The following KDM3A variants were observed in gnomAD, a reference collection of about 807,000 sequenced individuals.
The protein encoded by KDM3A is lysine-specific demethylase 3A.
Under a neutral mutation model 158.0 loss-of-function variants are expected in KDM3A, and 60 were observed. The observed-to-expected ratio is 0.38, with a 90% confidence interval of 0.31 to 0.47. The LOEUF (loss-of-function observed/expected upper bound fraction) is 0.47. KDM3A is among the 20% of genes least tolerant of loss of function. The pLI, the probability that KDM3A is intolerant of heterozygous loss-of-function variation, is 0.99. For missense variants in KDM3A, 1,319 were observed against 1,574.3 expected, an observed-to-expected ratio of 0.84 and a Z score of 2.74; for synonymous variants, 608 against 549.3, an observed-to-expected ratio of 1.11 and a Z score of -1.49.
In KDM3A at chr2:86,480,210, A is replaced by G; in HGVS notation, c.2360A>G (p.Gln787Arg). The G allele has an allele frequency of 1.9e-6, 3 of 1,613,536 alleles. No homozygotes were observed. Among genetic ancestry groups the G allele is most frequent in the Non-Finnish European group, 2.5e-6 (3 of 1,180,046 alleles). The change falls in exon 16 of 26, where the codon CAG (glutamine) becomes CGG (arginine). Residue 787 changes from glutamine (Q) to arginine (R), a missense_variant. Gln to Arg is a conservative substitution (Grantham distance 43). Around this residue, in one of 4 missense-constraint regions of KDM3A, gnomAD observed 368 missense variants for 415.8 expected, o/e 0.89. Transcript: ENST00000312912. ...GEKPTLGAVL[Q>R]QNPSVLEPAA... The stretch of plus-strand genomic sequence containing the variant: ...AAACCGACTCTTGGTGCAGTGCTCC[A>G]GCAGAATCCCTCAGTGTTGGAGCCA...
upstream of KDM3A, among the ~76,000 whole-genome samples, chr2:86,438,456 A>G (rs186047958): frequency 2.8e-3 from 423 of 152,152 alleles, 1 homozygote; most frequent in African/African-American, 9.8e-3. Flanking sequence ...TAATGACAAT[A>G]TATTGTATAT....
chr2:86,477,904 A>C lies in KDM3A; in HGVS notation c.1967A>C (p.Lys656Thr), dbSNP rs759234484. ...CAGGTTGCTTGGAAGCGAGCTGTCA[A>C]AGGTGTTCGAGAAATGTGTGATGTG... ...HRQVAWKRAV[K>T]GVREMCDVCD... is the part of the protein sequence containing the mutation. The change falls in exon 13 of 26, where the codon AAA (lysine) becomes ACA (threonine). Residue 656 changes from lysine (K) to threonine (T), a missense_variant. Physicochemically the swap from Lys to Thr is moderately conservative, Grantham distance 78. Around this residue, in one of 4 missense-constraint regions of KDM3A, gnomAD observed 113 missense variants for 190.5 expected, o/e 0.59. Coordinates refer to ENST00000312912, the MANE Select transcript of KDM3A (RefSeq NM_018433.6). 1 of 1,613,142 alleles carries C rather than the reference A, an allele frequency of 6.2e-7. No homozygotes were observed. Among genetic ancestry groups the C allele is most frequent in the South Asian group, 1.1e-5 (1 of 90,916 alleles).
chr2:86,450,982 G>T, intron 3 of KDM3A, 121 bp from the exon 4 acceptor site: 1 of 585,756 alleles, frequency 1.7e-6, no homozygotes, highest in Non-Finnish European at 3.0e-6. Flanking sequence ...GAGATAACTT[G>T]CAGTAAATAA....
chr2:86,479,010 A>C (rs1385944431), intron 15 of KDM3A: 2 of 250,080 alleles, frequency 8.0e-6, no homozygotes, highest in Non-Finnish European at 1.5e-5. Flanking sequence ...TAGTCTACCT[A>C]ATAAGTAGCT....
At position 86,475,192 on chromosome 2, in the gene KDM3A, CAG is replaced by C. The variant is rs1247924923; in HGVS notation, c.1939+205_1939+206del. 3.3e-5 allele frequency among the ~76,000 whole-genome samples: 5 copies of C among 152,082 alleles called. No homozygotes were observed. In the East Asian group the frequency reaches 7.7e-4, roughly 23 times the overall value. On this transcript the variant is annotated intron_variant, in intron 12 of 25. Coordinates refer to ENST00000312912, the MANE Select transcript of KDM3A (RefSeq NM_018433.6). Reference sequence around the variant, plus strand: ...TTGGGGTTTATTTTGGGCCAATTAACAGAGGAGTGGAACTCCTTTTTTGTTAG... The same window carrying C: ...TTGGGGTTTATTTTGGGCCAATTAACAGGAGTGGAACTCCTTTTTTGTTAG...
At chr2:86,482,944 AG>A (rs1674011128) in intron 18 of KDM3A, 1 of 471,604 alleles carries the variant, frequency 2.1e-6, no homozygotes, top group African/African-American at 2.0e-5. Context: ...GTTTTTGACG[AG>A]GGCATCCAGG....
chr2:86,477,839 C>T (rs1429888119), intron 12 of KDM3A, 38 bp from the exon 13 acceptor site: 3 of 1,551,064 alleles, frequency 1.9e-6, no homozygotes, highest in Admixed American at 1.9e-5. Flanking sequence ...CAGAAGCCCT[C>T]TCCTTCCAAA....
intron 2 of KDM3A, among the ~76,000 whole-genome samples, chr2:86,449,107 AGAAAACATTACAATTACTTG>A (rs2104628207): frequency 6.6e-6 from 1 of 152,370 alleles, no homozygotes; most frequent in East Asian, 1.9e-4. Flanking sequence ...GGTCAGAAGC[AGAAAACATTACAATTACTTG>A]GAAAACAATA....
At chr2:86,455,234 T>C (rs746061643) in intron 5 of KDM3A, 47 bp downstream of exon 5, 2 of 1,026,798 alleles carry the variant, frequency 1.9e-6, no homozygotes, top group South Asian at 1.5e-5. Flanking sequence ...GACCAATGAT[T>C]AGCTTGTGAG....
At chr2:86,468,785 C>T (rs1481564398) in intron 10 of KDM3A, among the ~76,000 whole-genome samples, 1 of 152,112 alleles carries the variant, frequency 6.6e-6, no homozygotes, top group Non-Finnish European at 1.5e-5. Context: ...CAGATAGATA[C>T]GTGGCTCCTC....
chr2:86,464,239 T>A (rs553127897), intron 9 of KDM3A, 23 bp downstream of exon 9: 2 of 1,456,560 alleles, frequency 1.4e-6, no homozygotes, highest in Non-Finnish European at 1.8e-6. Context: ...TTGTTAAAGA[T>A]GTTTAATTAT....
chr2:86,481,171 A>G (rs1673909605), intron 16 of KDM3A, among the ~76,000 whole-genome samples: 1 of 152,250 alleles, frequency 6.6e-6, no homozygotes, highest in Non-Finnish European at 1.5e-5. Flanking sequence ...TAAATTAAGA[A>G]CATTCTTAAT....
chr2:86,483,291 C>T (rs1272630794), intron 18 of KDM3A: 1 of 152,446 alleles, frequency 6.6e-6, no homozygotes, highest in African/African-American at 2.4e-5. Flanking sequence ...GCTAAAGGAA[C>T]ACTCTGCTCT....
chr2:86,492,126 T>TGCACATTG lies in KDM3A; in HGVS notation c.*9_*16dup, dbSNP rs750367362. 20 of 1,604,092 alleles carry TGCACATTG rather than the reference T, an allele frequency of 1.2e-5. No homozygotes were observed. The highest frequency in any genetic ancestry group is 4.3e-6 in the Non-Finnish European group (5 of 1,171,364). The stretch of plus-strand genomic sequence containing the variant: ...CAGTTTTGGCAAACCTTAATCTCCC[T>TGCACATTG]GCACATTGGAAATGAATTACAGGCA... On this transcript the variant is annotated 3_prime_UTR_variant, in exon 26 of 26. Coordinates refer to ENST00000312912, the MANE Select transcript of KDM3A (RefSeq NM_018433.6).
At chr2:86,457,602 A>G (rs948214967) in intron 8 of KDM3A, among the ~76,000 whole-genome samples, 6 of 152,152 alleles carry the variant, frequency 3.9e-5, no homozygotes, top group African/African-American at 1.4e-4. Flanking sequence ...GAGATTCTCA[A>G]TAGATTTGAC....
intron 18 of KDM3A, chr2:86,482,924 T>G: frequency 1.9e-6 from 1 of 519,706 alleles, no homozygotes; most frequent in South Asian, 2.3e-5. Context: ...TTCCTACCAG[T>G]CCCTGTTGGG....
intron 5 of KDM3A, among the ~76,000 whole-genome samples, chr2:86,456,094 G>A (rs769818670): frequency 6.6e-6 from 1 of 151,640 alleles, no homozygotes; most frequent in African/African-American, 2.4e-5. Flanking sequence ...CTTCCCATTT[G>A]TGTTACTGAG....
rs546807787 is a variant in KDM3A, at chr2:86,466,493, A to G, written c.1129A>G (p.Thr377Ala). 2 of 1,613,942 alleles carry G rather than the reference A, an allele frequency of 1.2e-6. No homozygotes were observed. Among genetic ancestry groups the G allele is most frequent in the Admixed American group, 3.3e-5 (2 of 59,996 alleles). Residue 377 changes from threonine (T) to alanine (A), a missense_variant, in exon 10 of 26, where the codon ACT (threonine) becomes GCT (alanine). Thr to Ala is a moderately conservative substitution (Grantham distance 58, BLOSUM62 0). Coordinates refer to ENST00000312912, the MANE Select transcript of KDM3A (RefSeq NM_018433.6). ...GLLSKSSQIG[T>A]GDLKILTEPK... ...GCTCTCAAAGTCCTCTCAGATTGGA[A>G]CTGGAGACTTGAAAATTCTGACTGA...
Position 86,461,630 on chromosome 2 carries a change from G to A in KDM3A, c.844-2423G>A, listed in dbSNP as rs77163067. Among the ~76,000 whole-genome samples, 78 of 152,258 alleles carry A rather than the reference G, an allele frequency of 5.1e-4. 1 individual carries two copies. The East Asian group carries it at 0.014, about 28-fold the overall frequency. The stretch of plus-strand genomic sequence containing the variant: ...AAAGGTACTTTCATGGTGTGATAAG[G>A]GCTATGAAAGGTATAAACAGAAAAA... On this transcript the variant is annotated intron_variant, in intron 8 of 25. Transcript: ENST00000312912.
Sources: gnomAD v4.1 joint callset for allele counts (sites outside exome capture counted in the v4.1 genomes callset) on GRCh38, gnomAD v4.1.1 for gene constraint, gnomAD v4.1.1 regional missense constraint, MANE v1.5 for transcripts, NCBI Gene and HGNC (gene_info 2026-07-23, HGNC 2026-07-21) for gene names.